The following NAALADL2 variants were observed in gnomAD, a reference collection of about 807,000 sequenced individuals.
The protein encoded by NAALADL2 is inactive N-acetylated-alpha-linked acidic dipeptidase-like protein 2.
In NAALADL2, 76 loss-of-function variants were observed where a neutral mutation model predicts 87.2. That is an observed-to-expected ratio of 0.87 (90% CI 0.72 to 1.05). The LOEUF (loss-of-function observed/expected upper bound fraction) is 1.05, where lower values mean the gene tolerates loss of function less well. Among genes scored for constraint, NAALADL2 ranks in the 50% least tolerant of loss-of-function variants. NAALADL2 has a pLI of 0.00. For missense variants in NAALADL2, 1,089 were observed against 945.8 expected (o/e 1.15, Z -1.99); for synonymous variants, 354 against 331.0 (o/e 1.07, Z -0.75).
intron 1 of NAALADL2, among the ~76,000 whole-genome samples, chr3:175,003,788 C>T (rs1164196181): frequency 6.6e-6 from 1 of 152,200 alleles, no homozygotes; most frequent in Non-Finnish European, 1.5e-5. Flanking sequence ...ACATCATTAA[C>T]ACTGCAGAAG....
At chr3:175,443,848 G>A (rs925281500) in intron 5 of NAALADL2, among the ~76,000 whole-genome samples, 2 of 42,874 alleles carry the variant, frequency 4.7e-5, no homozygotes, top group Non-Finnish European at 8.9e-5. Context: ...AAAATAGCAA[G>A]CATTGCAAAA....
In NAALADL2 at chr3:175,806,938, T is replaced by TAA. The variant is rs1754761017; in HGVS notation, c.*3735_*3736insAA. 1 of 151,756 alleles carries TAA rather than the reference T, an allele frequency of 6.6e-6. No individual in the cohort carries two copies. Among genetic ancestry groups the TAA allele is most frequent in the Non-Finnish European group, 1.5e-5 (1 of 67,850 alleles). The allele number at this position is 151,756 out of a possible 1,614,324, so 9.4% of individuals were successfully genotyped here. A position where few individuals can be genotyped will look rare whatever the true frequency, so the allele number is the denominator to read the frequency against. On this transcript the variant is annotated 3_prime_UTR_variant, in exon 14 of 14. Coordinates refer to ENST00000454872, the MANE Select transcript of NAALADL2 (RefSeq NM_207015.3). ...TATTTCTCCAAAACTGATCAGACTG[T>TAA]GGAGTCTGTCACTTTTTTGGTATAA...
At chr3:175,498,525 A>G (rs1453437286) in intron 9 of NAALADL2, among the ~76,000 whole-genome samples, 1 of 152,056 alleles carries the variant, frequency 6.6e-6, no homozygotes, top group Non-Finnish European at 1.5e-5. Flanking sequence ...CTGGAAATAA[A>G]CTATCTTGGA....
chr3:174,794,640 T>C (rs1162801684), intron 3 of NAALADL2, among the ~76,000 whole-genome samples: 1 of 152,164 alleles, frequency 6.6e-6, no homozygotes, highest in Non-Finnish European at 1.5e-5. Context: ...ACTACGGCTC[T>C]TCCCATGTGG....
chr3:175,440,863 G>T (rs1719605145), intron 5 of NAALADL2, among the ~76,000 whole-genome samples: 1 of 152,038 alleles, frequency 6.6e-6, no homozygotes, highest in African/African-American at 2.4e-5. Context: ...TTAACAGTTT[G>T]GATGTCCTTT....
At chr3:175,380,298 C>T (rs1767644870) in intron 5 of NAALADL2, among the ~76,000 whole-genome samples, 1 of 152,132 alleles carries the variant, frequency 6.6e-6, no homozygotes, top group African/African-American at 2.4e-5. Flanking sequence ...CACAAGGTTG[C>T]CCTAGAATGT....
chr3:174,852,160 A>G (rs66975695), intron 3 of NAALADL2, among the ~76,000 whole-genome samples: 15,772 of 152,158 alleles, frequency 0.1, 952 homozygotes, highest in Middle Eastern at 0.14. Flanking sequence ...AAGATCCAGA[A>G]TAAGAGAATG....
At chr3:174,936,755 T>C (rs557442163) in intron 1 of NAALADL2, among the ~76,000 whole-genome samples, 3 of 152,274 alleles carry the variant, frequency 2.0e-5, no homozygotes, top group Admixed American at 6.5e-5. Flanking sequence ...TGACAGGCCA[T>C]GTCAATACTG....
chr3:175,418,913 C>A (rs564427384), intron 5 of NAALADL2, among the ~76,000 whole-genome samples: 1 of 152,078 alleles, frequency 6.6e-6, no homozygotes, highest in South Asian at 2.1e-4. Context: ...CAGTCGAGAG[C>A]AACGGCAGGC....
intron 5 of NAALADL2, among the ~76,000 whole-genome samples, chr3:175,371,520 A>G (rs954145467): frequency 6.6e-6 from 1 of 152,116 alleles, no homozygotes; most frequent in African/African-American, 2.4e-5. Flanking sequence ...TGTGTGCTAC[A>G]AAAGTCCTTT....
chr3:175,596,923 A>G (rs577347468), intron 10 of NAALADL2, among the ~76,000 whole-genome samples: 3 of 152,094 alleles, frequency 2.0e-5, no homozygotes, highest in Non-Finnish European at 4.4e-5. Context: ...CCAGACCAAG[A>G]TACTATAATA....
intron 5 of NAALADL2, among the ~76,000 whole-genome samples, chr3:175,441,445 C>T (rs1247250245): frequency 6.6e-6 from 1 of 152,076 alleles, no homozygotes; most frequent in Non-Finnish European, 1.5e-5. Context: ...CTGGCAGGTA[C>T]CAAGGGATGA....
intron 1 of NAALADL2, among the ~76,000 whole-genome samples, chr3:174,518,954 T>C (rs1292798018): frequency 1.3e-5 from 2 of 152,180 alleles, no homozygotes; most frequent in Non-Finnish European, 2.9e-5. Context: ...ATTTGAATTA[T>C]TCAGAGTAGA....
intron 2 of NAALADL2, among the ~76,000 whole-genome samples, chr3:175,161,711 C>A (rs547492440): frequency 8.0e-5 from 12 of 150,476 alleles, no homozygotes; most frequent in African/African-American, 2.7e-4. Flanking sequence ...TTGGTTTGCC[C>A]AAACTTCTAT....
At chr3:174,656,624 T>G (rs1560121838) in intron 2 of NAALADL2, among the ~76,000 whole-genome samples, 1 of 152,188 alleles carries the variant, frequency 6.6e-6, no homozygotes, top group Non-Finnish European at 1.5e-5. Context: ...ATTAAACTGT[T>G]TAGTATTTCA....
intron 13 of NAALADL2, among the ~76,000 whole-genome samples, chr3:175,780,181 C>T (rs1284686300): frequency 1.3e-4 from 19 of 151,054 alleles, no homozygotes; most frequent in African/African-American, 4.6e-4. Context: ...GAGGCTGAGG[C>T]AGGAGAATGG....
chr3:175,063,646 T>A (rs893787397), intron 1 of NAALADL2, among the ~76,000 whole-genome samples: 1 of 151,892 alleles, frequency 6.6e-6, no homozygotes, highest in African/African-American at 2.4e-5. Flanking sequence ...CCCCACTAAT[T>A]TTTTTACTTC....
chr3:174,718,425 C>T (rs1002278183), intron 2 of NAALADL2, among the ~76,000 whole-genome samples: 2 of 152,096 alleles, frequency 1.3e-5, no homozygotes, highest in Non-Finnish European at 2.9e-5. Flanking sequence ...TAGAACATAC[C>T]TTCTACAGGT....
chr3:174,516,510 G>A (rs1194902032), intron 1 of NAALADL2, among the ~76,000 whole-genome samples: 1 of 151,960 alleles, frequency 6.6e-6, no homozygotes, highest in African/African-American at 2.4e-5. Flanking sequence ...AGAGCTCACA[G>A]GGCCTTTAGA....
Sources: allele counts gnomAD v4.1 joint callset (sites outside exome capture counted in the v4.1 genomes callset), GRCh38; gene constraint gnomAD v4.1.1; transcripts MANE v1.5; gene names NCBI Gene and HGNC (gene_info 2026-07-23, HGNC 2026-07-21).